Variants in GRHL2 observed in about 807,000 individuals in gnomAD.
The protein encoded by GRHL2 is grainyhead-like protein 2 homolog.
Under a neutral mutation model 83.8 loss-of-function variants are expected in GRHL2, and 21 were observed. The observed-to-expected ratio is 0.25, with a 90% confidence interval of 0.18 to 0.36. The LOEUF is 0.36. Ranked by LOEUF, GRHL2 falls within the 10% of genes least tolerant of loss-of-function variation. GRHL2 has a pLI of 1.00. For missense variants in GRHL2, 623 were observed against 781.8 expected, an observed-to-expected ratio of 0.80 and a Z score of 2.42; for synonymous variants, 280 against 278.9, an observed-to-expected ratio of 1.00 and a Z score of -0.04.
chr8:101,545,439 T>A (rs572702951), intron 2 of GRHL2, among the ~76,000 whole-genome samples: 1 of 67,060 alleles, frequency 1.5e-5, no homozygotes, highest in East Asian at 3.6e-4. Context: ...GAAGGGGAAT[T>A]CCTGAAAAAA....
At chr8:101,598,891 G>C (rs1459354146) in intron 7 of GRHL2, among the ~76,000 whole-genome samples, 166 bp from the exon 8 acceptor site, 3 of 152,138 alleles carry the variant, frequency 2.0e-5, no homozygotes, top group Non-Finnish European at 2.9e-5. Flanking sequence ...TATAGAGTAA[G>C]TATTAGTAAA....
chr8:101,625,961 T>C (rs1813071662), intron 9 of GRHL2, among the ~76,000 whole-genome samples: 3 of 152,114 alleles, frequency 2.0e-5, no homozygotes, highest in Non-Finnish European at 4.4e-5. Flanking sequence ...TCGTAATTAC[T>C]GTCAATTTCT....
intron 7 of GRHL2, among the ~76,000 whole-genome samples, chr8:101,589,466 A>C (rs1473948357): frequency 6.6e-6 from 1 of 152,212 alleles, no homozygotes. Context: ...CAAGTTTGTT[A>C]GTCAAGACCA....
At chr8:101,613,400 C>G (rs992274491) in intron 8 of GRHL2, among the ~76,000 whole-genome samples, 2 of 150,742 alleles carry the variant, frequency 1.3e-5, no homozygotes, top group Non-Finnish European at 2.9e-5. Context: ...TTCTTATGTC[C>G]TCAACAAAAC....
intron 1 of GRHL2, among the ~76,000 whole-genome samples, chr8:101,505,101 C>A (rs1450703620): frequency 2.0e-5 from 3 of 151,832 alleles, no homozygotes; most frequent in African/African-American, 7.3e-5. Context: ...GGTGGTGAAA[C>A]AGGAACTAGT....
At chr8:101,598,005 G>A (rs1586131694) in intron 7 of GRHL2, among the ~76,000 whole-genome samples, 2 of 152,056 alleles carry the variant, frequency 1.3e-5, no homozygotes, top group South Asian at 2.1e-4. Flanking sequence ...GCCCAATCTG[G>A]CAACTTTAGT....
At chr8:101,606,696 C>G (rs1489708627) in intron 8 of GRHL2, among the ~76,000 whole-genome samples, 1 of 152,188 alleles carries the variant, frequency 6.6e-6, no homozygotes, top group East Asian at 1.9e-4. Context: ...TGACTAGAGC[C>G]ATCATATAGG....
At chr8:101,538,610 T>C (rs1811091332) in intron 1 of GRHL2, among the ~76,000 whole-genome samples, 1 of 152,176 alleles carries the variant, frequency 6.6e-6, no homozygotes, top group African/African-American at 2.4e-5. Flanking sequence ...CAAAGGATAT[T>C]TAAGAAGCGG....
At chr8:101,578,929 G>A (rs35333368) in intron 7 of GRHL2, among the ~76,000 whole-genome samples, 18,201 of 152,072 alleles carry the variant, frequency 0.12, 1,163 homozygotes, top group South Asian at 0.19. Flanking sequence ...CCTCACCTCC[G>A]CATCACACAC....
At chr8:101,587,158 C>T (rs893840247) in intron 7 of GRHL2, among the ~76,000 whole-genome samples, 2 of 152,306 alleles carry the variant, frequency 1.3e-5, no homozygotes, top group Admixed American at 1.3e-4. Context: ...GTCCCTTCGT[C>T]ATTTTCCTTC....
chr8:101,672,702 A>G (rs546654841), downstream of GRHL2, among the ~76,000 whole-genome samples: 7 of 152,020 alleles, frequency 4.6e-5, no homozygotes, highest in South Asian at 1.5e-3. Context: ...AATACAGAGA[A>G]CGTCACAAAG....
intron 1 of GRHL2, among the ~76,000 whole-genome samples, chr8:101,530,137 A>G (rs1438281285): frequency 6.6e-6 from 1 of 152,208 alleles, no homozygotes; most frequent in Admixed American, 6.5e-5. Context: ...CCAAGCTCAG[A>G]GAGAAAAACA....
Position 101,617,327 on chromosome 8 carries a change from AC to A in GRHL2, c.1099-2208del, listed in dbSNP as rs768373359. On this transcript the variant is annotated intron_variant, in intron 8 of 15. Coordinates refer to ENST00000646743, the MANE Select transcript of GRHL2 (RefSeq NM_024915.4). ...CTGGCCTGATTGGTGTGGATGTGGT[AC>A]CCCACTAAGACATTCCTCAGTGCCA... Among the ~76,000 whole-genome samples, 316 of 152,204 alleles carry A rather than the reference AC, an allele frequency of 2.1e-3. 3 individuals are homozygous for A. The Middle Eastern group carries it at 0.031, about 15-fold the overall frequency.
rs1245342941 is a variant in GRHL2, at chr8:101,666,740, G to T, written c.*37G>T. The T allele has an allele frequency of 7.9e-7, 1 of 1,264,994 alleles. No individual in the cohort carries two copies. Among genetic ancestry groups the T allele is most frequent in the Non-Finnish European group, 1.2e-6 (1 of 861,948 alleles). The allele number at this position is 1,264,994 out of a possible 1,614,324, so 78.4% of individuals were successfully genotyped here. On this transcript the variant is annotated 3_prime_UTR_variant, in exon 16 of 16. Coordinates refer to ENST00000646743, the MANE Select transcript of GRHL2 (RefSeq NM_024915.4). ...GCATCCGCTTTGGCTGGAGCTCTCA[G>T]TGCGTTCCTCCCTGAGAGAGACAGA...
chr8:101,559,999 C>CT (rs971890444), intron 4 of GRHL2, among the ~76,000 whole-genome samples: 13 of 151,854 alleles, frequency 8.6e-5, no homozygotes, highest in African/African-American at 2.9e-4. Flanking sequence ...TATGTTCTTG[C>CT]TTTTTTGTTT....
At chr8:101,533,559 T>TA (rs1810981885) in intron 1 of GRHL2, among the ~76,000 whole-genome samples, 1 of 152,102 alleles carries the variant, frequency 6.6e-6, no homozygotes. Context: ...TTGACCATAA[T>TA]AAAAAAGTAA....
intron 4 of GRHL2, among the ~76,000 whole-genome samples, chr8:101,568,334 C>T (rs1424876868): frequency 6.6e-6 from 1 of 152,252 alleles, no homozygotes; most frequent in Non-Finnish European, 1.5e-5. Context: ...CACATTTGTA[C>T]TCATCGTTTT....
intron 14 of GRHL2, among the ~76,000 whole-genome samples, chr8:101,653,556 C>A (rs35285056): frequency 0.4 from 60,000 of 151,752 alleles, 14,320 homozygotes; most frequent in African/African-American, 0.67. Context: ...TCAAGACCAG[C>A]CTGGCCAACG....
chr8:101,650,807 TC>T (rs1394847506), intron 14 of GRHL2, among the ~76,000 whole-genome samples: 3,605 of 149,820 alleles, frequency 0.024, 129 homozygotes, highest in African/African-American at 0.082. Flanking sequence ...AATTGTGATA[TC>T]TATCTATCTA....
Sources: gnomAD v4.1 joint callset for allele counts (sites outside exome capture counted in the v4.1 genomes callset) on GRCh38, gnomAD v4.1.1 for gene constraint, MANE v1.5 for transcripts, NCBI Gene and HGNC (gene_info 2026-07-23, HGNC 2026-07-21) for gene names.